AOX1: variants seen among roughly 807,000 people sequenced by gnomAD.
AOX1 encodes aldehyde oxidase.
AOX1 carries 153 observed loss-of-function variants against 169.5 expected under a neutral mutation model. The ratio of observed to expected loss-of-function variants is 0.90; its 90% CI spans 0.79 to 1.03. AOX1 has a LOEUF of 1.03. Among genes scored for constraint, AOX1 ranks in the 50% least tolerant of loss-of-function variants. AOX1 has a pLI of 0.00. For synonymous variants in AOX1, 562 were observed against 581.9 expected (o/e 0.97, Z 0.49); for missense variants, 1,656 against 1,663.9 (o/e 1.00, Z 0.08).
At position 200,616,010 on chromosome 2, in the gene AOX1, A is replaced by G; in HGVS notation, c.1651A>G (p.Ser551Gly). ...TCCTAGCCTTGCAGACAAGTATGAA[A>G]GTGCTTTAGAAGATCTTCATTCCAA... ...HYPSLADKYESALEDLHSKHH... is the reference protein window; with the variant it reads ...HYPSLADKYEGALEDLHSKHH... Residue 551 changes from serine (S) to glycine (G), a missense_variant, in exon 16 of 35, where the codon AGT becomes GGT. By Grantham distance (56) the Ser-to-Gly change is moderately conservative (BLOSUM62 0). Coordinates refer to ENST00000374700, the MANE Select transcript of AOX1 (RefSeq NM_001159.4). 1 of 1,613,998 alleles carries G rather than the reference A, an allele frequency of 6.2e-7. No individual in the cohort carries two copies. The highest frequency in any genetic ancestry group is 1.3e-5 in the African/African-American group (1 of 75,072).
Position 200,668,612 on chromosome 2 carries a change from C to T in AOX1, c.3610-3C>T, listed in dbSNP as rs1395247540. On this transcript the variant is annotated splice_region_variant and splice_polypyrimidine_tract_variant and intron_variant, in intron 32 of 34. Coordinates refer to ENST00000374700, the MANE Select transcript of AOX1 (RefSeq NM_001159.4). ...GGAAATTCTTTTTTTGTTCTTGCCT[C>T]AGATTGAAGGTGCATTTATTCAAGG... The T allele has an allele frequency of 3.1e-6, 5 of 1,592,262 alleles. No homozygotes were observed. Among genetic ancestry groups the T allele is most frequent in the Non-Finnish European group, 4.3e-6 (5 of 1,170,072 alleles).
intron 9 of AOX1, 66 bp downstream of exon 9, chr2:200,604,906 T>TGGGTTGGGGGCGGGGGG: frequency 1.5e-6 from 1 of 678,952 alleles, no homozygotes; most frequent in Non-Finnish European, 2.5e-6. Context: ...GGGGCCGGGG[T>TGGGTTGGGGGCGGGGGG]GGGCTGGGGA....
At chr2:200,651,839 T>C (rs2035586072) in intron 26 of AOX1, among the ~76,000 whole-genome samples, 1 of 152,208 alleles carries the variant, frequency 6.6e-6, no homozygotes, top group Non-Finnish European at 1.5e-5. Context: ...CTTGACTTCA[T>C]TCATTCTTAA....
chr2:200,613,027 T>TGAGAGAGAGA (rs71022328), intron 14 of AOX1, among the ~76,000 whole-genome samples: 223 of 146,202 alleles, frequency 1.5e-3, no homozygotes, highest in Non-Finnish European at 2.4e-3. Context: ...TGTGTGTGTG[T>TGAGAGAGAGA]GAGAGAGAGA....
chr2:200,661,535 C>G, intron 29 of AOX1, 44 bp from the exon 30 acceptor site: 1 of 1,516,554 alleles, frequency 6.6e-7, no homozygotes, highest in Non-Finnish European at 9.1e-7. Context: ...GTGATTCTTT[C>G]TTTGGGCATC....
intron 32 of AOX1, among the ~76,000 whole-genome samples, chr2:200,667,528 C>T (rs950339212): frequency 7.4e-6 from 1 of 135,056 alleles, no homozygotes; most frequent in African/African-American, 2.8e-5. Flanking sequence ...TCAAAGGAGG[C>T]TTAGGGAGGA....
chr2:200,682,190 G>C, the AOX1 span, among the ~76,000 whole-genome samples: 1 of 152,062 alleles, frequency 6.6e-6, no homozygotes, highest in Non-Finnish European at 1.5e-5. Flanking sequence ...TTACAAATCT[G>C]ATAAACACTG....
intron 15 of AOX1, among the ~76,000 whole-genome samples, chr2:200,614,564 G>A (rs1182999213): frequency 6.6e-6 from 1 of 152,098 alleles, no homozygotes; most frequent in Non-Finnish European, 1.5e-5. Context: ...ATTCTTGGCT[G>A]GGGAGGACAC....
intron 14 of AOX1, among the ~76,000 whole-genome samples, chr2:200,613,495 G>A (rs1057320344): frequency 5.9e-5 from 9 of 152,286 alleles, no homozygotes; most frequent in African/African-American, 2.2e-4. Context: ...ATGTCCTAGT[G>A]AGGACATTTA....
intron 25 of AOX1, among the ~76,000 whole-genome samples, chr2:200,645,379 T>G (rs1338310057): frequency 6.6e-6 from 1 of 152,180 alleles, no homozygotes; most frequent in Non-Finnish European, 1.5e-5. Context: ...ATTTATTGAC[T>G]TGTGTGTGTT....
At position 200,620,739 on chromosome 2, in the gene AOX1, C is replaced by A; in HGVS notation, c.1794C>A (p.Ile598=). Residue 598 remains isoleucine, a synonymous_variant, in exon 17 of 35, where the codon ATC becomes ATA. Transcript: ENST00000374700. The part of the protein sequence containing the change: ...SGVKHATGEA[I]YCDDMPLVDQ... Reference sequence around the variant, plus strand: ...TGAAGCATGCCACGGGGGAGGCCATCTACTGTGATGACATGCCTCTGGTGG... The same window carrying A: ...TGAAGCATGCCACGGGGGAGGCCATATACTGTGATGACATGCCTCTGGTGG... The A allele has an allele frequency of 6.2e-7, 1 of 1,607,576 alleles. No homozygotes were observed. Among genetic ancestry groups the A allele is most frequent in the African/African-American group, 1.3e-5 (1 of 74,728 alleles).
At chr2:200,637,971 G>A (rs1410987775) in intron 22 of AOX1, among the ~76,000 whole-genome samples, 1 of 152,146 alleles carries the variant, frequency 6.6e-6, no homozygotes, top group Non-Finnish European at 1.5e-5. Context: ...GCAATGTCCT[G>A]GAGCCCCTGG....
intron 22 of AOX1, among the ~76,000 whole-genome samples, chr2:200,637,680 G>A (rs1005171733): frequency 6.6e-6 from 1 of 151,832 alleles, no homozygotes; most frequent in Non-Finnish European, 1.5e-5. Flanking sequence ...CTTTTGTTAT[G>A]CTTACATTCA....
At chr2:200,639,629 G>C (rs2035311686) in intron 23 of AOX1, among the ~76,000 whole-genome samples, 1 of 151,940 alleles carries the variant, frequency 6.6e-6, no homozygotes, top group Non-Finnish European at 1.5e-5. Context: ...TTTTTAATAA[G>C]ACATATATGA....
chr2:200,624,035 A>G (rs2348021), intron 19 of AOX1, 52 bp downstream of exon 19: 1,064,204 of 1,605,016 alleles, frequency 0.66, 354,421 homozygotes, highest in Admixed American at 0.7. Context: ...AACAAATATC[A>G]GTTAAAATGC....
rs2035572486 is a variant in AOX1 at position 200,651,103 on chromosome 2, G to A, written c.2977G>A (p.Val993Met). 6.2e-7 allele frequency: 1 copy of A among 1,614,206 alleles called. No homozygotes were observed. Among genetic ancestry groups the A allele is most frequent in the Non-Finnish European group, 8.5e-7 (1 of 1,180,028 alleles). Reference sequence around the variant, plus strand: ...TTCCTACTCCTTGAGGAAAGTTGCTGTGGAAAAGTTCAATGCAGAGAATTA... The same window carrying A: ...TTCCTACTCCTTGAGGAAAGTTGCTATGGAAAAGTTCAATGCAGAGAATTA... ...MSSYSLRKVA[V>M]EKFNAENYWK... The change falls in exon 26 of 35, where the codon GTG becomes ATG. Residue 993 changes from valine to methionine, a missense_variant. By Grantham distance (21) the Val-to-Met change is conservative. Transcript: ENST00000374700.
Position 200,666,694 on chromosome 2 carries a change from G to A in AOX1, c.3551G>A (p.Arg1184Lys), listed in dbSNP as rs1415668644. 3.7e-6 allele frequency: 6 copies of A among 1,607,752 alleles called. No homozygotes were observed. The highest frequency in any genetic ancestry group is 8.5e-7 in the Non-Finnish European group (1 of 1,177,828). Residue 1184 changes from arginine (R) to lysine (K), a missense_variant, in exon 32 of 35, where the codon AGA becomes AAA. Coordinates refer to ENST00000374700, the MANE Select transcript of AOX1 (RefSeq NM_001159.4). ...ACTTTTTTTTAATACTAGAACATCA[G>A]AACAGACATTGTCATGGATGTTGGC... ...DCLTGDHKNI[R>K]TDIVMDVGCS... is the part of the protein sequence containing the mutation.
chr2:200,599,726 A>G lies in AOX1; in HGVS notation c.416A>G (p.Gln139Arg). Residue 139 changes from glutamine to arginine, a missense_variant, in exon 5 of 35, where the codon CAG becomes CGG. By Grantham distance (43) the Gln-to-Arg change is conservative. Coordinates refer to ENST00000374700, the MANE Select transcript of AOX1 (RefSeq NM_001159.4). ...AACCACCCAGAGCCCACTCTGGATC[A>G]GTTAACTGATGCCCTTGGTGGTAGG... ...LRNHPEPTLD[Q>R]LTDALGGNLC... 6.2e-7 allele frequency: 1 copy of G among 1,601,660 alleles called. No individual in the cohort carries two copies.
chr2:200,672,399 T>A (rs538483060), downstream of AOX1, among the ~76,000 whole-genome samples: 1 of 152,140 alleles, frequency 6.6e-6, no homozygotes, highest in Non-Finnish European at 1.5e-5. Context: ...TCCAAAAACA[T>A]GGAAGCCTCA....
Sources: gnomAD v4.1 joint callset for allele counts (sites outside exome capture counted in the v4.1 genomes callset) on GRCh38, gnomAD v4.1.1 for gene constraint, MANE v1.5 for transcripts, NCBI Gene and HGNC (gene_info 2026-07-23, HGNC 2026-07-21) for gene names.